The following UBR4 variants were observed in gnomAD, a reference collection of about 807,000 sequenced individuals.
UBR4 encodes E3 ubiquitin-protein ligase UBR4.
A neutral mutation model predicts 575.6 loss-of-function variants in UBR4; 124 were observed. The ratio of observed to expected loss-of-function variants is 0.22; its 90% CI spans 0.19 to 0.25. The LOEUF is 0.25. Ranked by LOEUF, UBR4 falls within the 10% of genes least tolerant of loss-of-function variation. UBR4 has a pLI of 1.00. For missense variants in UBR4, 4,818 were observed against 6,478.8 expected (o/e 0.74, Z 8.80); for synonymous variants, 2,455 against 2,473.7 (o/e 0.99, Z 0.22).
chr1:19,133,277 CAAAAT>C (rs988668838), intron 60 of UBR4, among the ~76,000 whole-genome samples: 5 of 151,890 alleles, frequency 3.3e-5, no homozygotes, highest in African/African-American at 4.8e-5. Context: ...TAACCTTAAA[CAAAAT>C]AAAGAAGAAA....
intron 65 of UBR4, among the ~76,000 whole-genome samples, chr1:19,124,275 C>T (rs2081494430): frequency 6.6e-6 from 1 of 152,176 alleles, no homozygotes; most frequent in Non-Finnish European, 1.5e-5. Context: ...TCTGACAGAA[C>T]CTAAATTATT....
Position 19,155,377 on chromosome 1 carries a change from A to G in UBR4, c.6300+64T>C. 3 of 1,449,744 alleles carry G rather than the reference A, an allele frequency of 2.1e-6. No homozygotes were observed. The East Asian group carries it at 6.9e-5, about 33-fold the overall frequency. The allele number at this position is 1,449,744 out of a possible 1,614,324, so 89.8% of individuals were successfully genotyped here. On this transcript the variant is annotated intron_variant, in intron 43 of 105. Coordinates refer to ENST00000375254, the MANE Select transcript of UBR4 (RefSeq NM_020765.3). ...AATGTTATAAAAGAACAAAGAAAAA[A>G]GAATAGAGGAGTTGCTAAATAATTA...
rs142578927 is a variant in UBR4 at position 19,112,675 on chromosome 1, T to C, written c.11650A>G (p.Ile3884Val). Residue 3884 changes from isoleucine to valine, a missense_variant, in exon 78 of 106, where the codon ATC becomes GTC. Around this residue, in one of 29 missense-constraint regions of UBR4, gnomAD observed 333 missense variants for 459.2 expected, o/e 0.73. Coordinates refer to ENST00000375254, the MANE Select transcript of UBR4 (RefSeq NM_020765.3). ...GTGGCCAGGGCCCGAAGTAGTGTGA[T>C]ACAATGTTCTGTGACAGCCGAGGCG... ...GCASAVTEHC[I>V]TLLRALATNP... 1.0e-4 allele frequency: 168 copies of C among 1,614,124 alleles called. No homozygotes were observed. Among genetic ancestry groups the C allele is most frequent in the Non-Finnish European group, 1.3e-4 (155 of 1,180,042 alleles).
intron 11 of UBR4, 121 bp from the exon 12 acceptor site, chr1:19,187,661 G>GA (rs144801649): frequency 0.02 from 13,969 of 704,230 alleles, no homozygotes; most frequent in East Asian, 0.022. Context: ...TGGACCTTCA[G>GA]AAAAAAAAAA....
chr1:19,108,542 T>C (rs1274989356), intron 81 of UBR4, among the ~76,000 whole-genome samples: 1 of 152,184 alleles, frequency 6.6e-6, no homozygotes, highest in African/African-American at 2.4e-5. Context: ...AATAGATTAG[T>C]ACCCAAGAGT....
In UBR4 at chr1:19,105,204, G is replaced by A. The variant is rs2079051608; in HGVS notation, c.12504-15C>T. On this transcript the variant is annotated splice_polypyrimidine_tract_variant and intron_variant, in intron 84 of 105. Coordinates refer to ENST00000375254, the MANE Select transcript of UBR4 (RefSeq NM_020765.3). ...CATCCAGGTAACTGCCACCAAGAGG[G>A]ACAGGGCACTCTAGTCAAGAACTCT... The A allele has an allele frequency of 3.1e-6, 5 of 1,608,218 alleles. No homozygotes were observed. Among genetic ancestry groups the A allele is most frequent in the Non-Finnish European group, 4.2e-6 (5 of 1,178,024 alleles).
chr1:19,191,714 A>G (rs994249167), intron 11 of UBR4, among the ~76,000 whole-genome samples: 2 of 152,166 alleles, frequency 1.3e-5, no homozygotes, highest in Non-Finnish European at 2.9e-5. Flanking sequence ...AAATCCAGAA[A>G]CACCTGGGCT....
chr1:19,126,654 G>A lies in UBR4; in HGVS notation c.9230C>T (p.Ser3077Leu). 6.2e-7 allele frequency: 1 copy of A among 1,612,894 alleles called. No individual in the cohort carries two copies. The highest frequency in any genetic ancestry group is 8.5e-7 in the Non-Finnish European group (1 of 1,179,640). The change falls in exon 64 of 106, where the codon TCA (serine) becomes TTA (leucine). Residue 3077 changes from serine to leucine, a missense_variant and splice_region_variant. Transcript: ENST00000375254. ...TGTGGCACTGGAGATGAGGGAAGAT[G>A]ACTGGGAGACAGAGAAAATACAGAG... is the stretch of plus-strand genomic sequence containing the variant. ...KSGSKSSICE[S>L]SSLISSATAA...
At chr1:19,167,254 G>A (rs757887903) in intron 28 of UBR4, 23 bp from the exon 29 acceptor site, 9 of 1,613,340 alleles carry the variant, frequency 5.6e-6, no homozygotes, top group East Asian at 4.5e-5. Context: ...AAATGAAATC[G>A]AGTTAGTGAA....
At chr1:19,090,369 C>A in intron 97 of UBR4, among the ~76,000 whole-genome samples, 1 of 152,178 alleles carries the variant, frequency 6.6e-6, no homozygotes, top group Non-Finnish European at 1.5e-5. Flanking sequence ...GGGCACTGCC[C>A]TCAGGAGAAA....
intron 43 of UBR4, 70 bp downstream of exon 43, chr1:19,155,369 AAG>A: frequency 7.0e-7 from 1 of 1,433,606 alleles, no homozygotes; most frequent in Non-Finnish European, 9.5e-7. Context: ...TAAAAGAACA[AAG>A]AAAAAAGAAT....
At chr1:19,194,847 T>C (rs1230694934) in intron 8 of UBR4, among the ~76,000 whole-genome samples, 1 of 151,774 alleles carries the variant, frequency 6.6e-6, no homozygotes, top group African/African-American at 2.4e-5. Context: ...AAATTTAAAA[T>C]CTAGAAGCAG....
At position 19,093,627 on chromosome 1, in the gene UBR4, G is replaced by T. The variant is rs886563137; in HGVS notation, c.13938-141C>A. The T allele has an allele frequency of 1.6e-5, 15 of 930,640 alleles. No homozygotes were observed. The highest frequency in any genetic ancestry group is 2.1e-5 in the Non-Finnish European group (13 of 632,664). The allele number at this position is 930,640 out of a possible 1,614,324, so 57.6% of individuals were successfully genotyped here. ...CGTGACACAAAGACCTATCTGCCCC[G>T]GCTCCTGCCACTCTCCCTGTTTACC... is the stretch of plus-strand genomic sequence containing the variant. On this transcript the variant is annotated intron_variant, in intron 95 of 105. Transcript: ENST00000375254. This position sits in a 1 kb window ranked among gnomAD's most constrained non-coding sequence, Gnocchi z 4.8.
intron 13 of UBR4, 96 bp from the exon 14 acceptor site, chr1:19,186,753 T>A: frequency 8.5e-7 from 1 of 1,173,742 alleles, no homozygotes; most frequent in Non-Finnish European, 1.2e-6. Flanking sequence ...TTTTCCTAAA[T>A]CCAAGAGTAT....
rs755647591 is a variant in UBR4, at chr1:19,193,577, G to C, written c.1019-20C>G. ...TCACACCTGAAAAAGAAGATGCACA[G>C]GTCTCAGCCATGGAGTGCATCCAAG... On this transcript the variant is annotated intron_variant, in intron 8 of 105. Coordinates refer to ENST00000375254, the MANE Select transcript of UBR4 (RefSeq NM_020765.3). 2.5e-6 allele frequency: 4 copies of C among 1,607,964 alleles called. No homozygotes were observed. The East Asian group carries it at 8.9e-5, about 36-fold the overall frequency.
chr1:19,164,795 C>T lies in UBR4; in HGVS notation c.4511+4G>A. On this transcript the variant is annotated splice_donor_region_variant and intron_variant, in intron 32 of 105. Transcript: ENST00000375254. ...GAAACACGACAGAAATGTAGTTGTTCTACCTGTTTTCCCGAACAATGTATG... is the reference window on the plus strand; with the variant it reads ...GAAACACGACAGAAATGTAGTTGTTTTACCTGTTTTCCCGAACAATGTATG... 6.2e-7 allele frequency: 1 copy of T among 1,613,606 alleles called. No homozygotes were observed.
intron 49 of UBR4, among the ~76,000 whole-genome samples, chr1:19,148,879 CT>C (rs1032266784): frequency 6.6e-6 from 1 of 152,220 alleles, no homozygotes; most frequent in Non-Finnish European, 1.5e-5. Context: ...CAGGGCTTTT[CT>C]TCCTCAAAGA....
chr1:19,164,472 T>A (rs572629746), intron 32 of UBR4, 31 bp from the exon 33 acceptor site: 1 of 1,597,732 alleles, frequency 6.3e-7, no homozygotes, highest in Non-Finnish European at 8.5e-7. Context: ...AGTTGGTGAA[T>A]AATCAACAGG....
chr1:19,165,158 C>T, intron 31 of UBR4, 91 bp downstream of exon 31: 1 of 1,472,618 alleles, frequency 6.8e-7, no homozygotes, highest in South Asian at 1.2e-5. Context: ...TTAGCATTTT[C>T]ATGCTGTAGT....
Sources: gnomAD v4.1 joint callset for allele counts (sites outside exome capture counted in the v4.1 genomes callset) on GRCh38, gnomAD v4.1.1 for gene constraint, gnomAD v4.1.1 regional missense constraint, Gnocchi (gnomAD v3.1) non-coding constraint, MANE v1.5 for transcripts, NCBI Gene and HGNC (gene_info 2026-07-23, HGNC 2026-07-21) for gene names.